The following VAV3 variants were observed in gnomAD, a reference collection of about 807,000 sequenced individuals.
VAV3 encodes the protein guanine nucleotide exchange factor VAV3.
In VAV3, 94 loss-of-function variants were observed where a neutral mutation model predicts 131.2. That is an observed-to-expected ratio of 0.72 (90% CI 0.61 to 0.85). VAV3 has a LOEUF of 0.85. Among genes scored for constraint, VAV3 ranks in the 40% least tolerant of loss-of-function variants. VAV3 has a pLI of 0.00. For missense variants in VAV3, 939 were observed against 1,002.7 expected (o/e 0.94, Z 0.86); for synonymous variants, 349 against 342.0 (o/e 1.02, Z -0.22).
At chr1:107,824,973 C>A (rs1478560277) in intron 2 of VAV3, among the ~76,000 whole-genome samples, 2 of 152,090 alleles carry the variant, frequency 1.3e-5, no homozygotes, top group Admixed American at 6.6e-5. Context: ...ATGAGGTGAT[C>A]CCATATGTCT....
At chr1:107,617,749 T>C in intron 20 of VAV3, 117 bp from the exon 21 acceptor site, 2 of 792,244 alleles carry the variant, frequency 2.5e-6, no homozygotes, top group Admixed American at 5.2e-5. Flanking sequence ...ATGTGTTATA[T>C]CCAGTCCTGA....
Position 107,706,512 on chromosome 1 carries a change from C to T in VAV3, c.1503-1451G>A, listed in dbSNP as rs747833403. On this transcript the variant is annotated intron_variant, in intron 15 of 26. Coordinates refer to ENST00000370056, the MANE Select transcript of VAV3 (RefSeq NM_006113.5). ...CTTTTTCGGAAAATGTTCCACTGCA[C>T]GCTGAGAATTATGGACATTTCCATG... 1.9e-4 allele frequency among the ~76,000 whole-genome samples: 29 copies of T among 152,116 alleles called. 1 individual carries two copies. The highest frequency in any genetic ancestry group is 1.2e-3 in the Admixed American group (19 of 15,272).
At chr1:107,941,075 C>A (rs1571169095) in intron 1 of VAV3, among the ~76,000 whole-genome samples, 1 of 151,942 alleles carries the variant, frequency 6.6e-6, no homozygotes, top group South Asian at 2.1e-4. Flanking sequence ...AGGAAAAAAT[C>A]TGACTTTGCA....
intron 15 of VAV3, among the ~76,000 whole-genome samples, chr1:107,748,263 C>A (rs1419490039): frequency 2.0e-5 from 3 of 152,108 alleles, no homozygotes. Flanking sequence ...TCAGGGTATC[C>A]TATATATTTC....
intron 15 of VAV3, among the ~76,000 whole-genome samples, chr1:107,726,102 T>C (rs779375844): frequency 3.9e-5 from 6 of 152,142 alleles, no homozygotes; most frequent in Admixed American, 2.0e-4. Context: ...TAAATAATAA[T>C]GTGTGACAGC....
intron 1 of VAV3, among the ~76,000 whole-genome samples, chr1:107,921,571 C>T (rs1672899861): frequency 6.6e-6 from 1 of 152,200 alleles, no homozygotes; most frequent in Non-Finnish European, 1.5e-5. Context: ...TTATTCTACT[C>T]AAACATGAAA....
chr1:107,611,581 C>T (rs1366272113), intron 21 of VAV3, among the ~76,000 whole-genome samples: 1 of 133,662 alleles, frequency 7.5e-6, no homozygotes, highest in Non-Finnish European at 1.6e-5. Flanking sequence ...TTAAACCAAG[C>T]TTTCCATAGA....
chr1:107,735,129 G>C (rs115467557), intron 15 of VAV3, among the ~76,000 whole-genome samples: 2,561 of 152,250 alleles, frequency 0.017, 32 homozygotes, highest in Non-Finnish European at 0.025. Context: ...AAAAACTGAA[G>C]GCAGAAATAA....
intron 19 of VAV3, among the ~76,000 whole-genome samples, chr1:107,682,980 GCAGA>G (rs1440008632): frequency 1.3e-5 from 2 of 152,158 alleles, no homozygotes; most frequent in East Asian, 3.9e-4. Flanking sequence ...AACGTTTTCT[GCAGA>G]CAAATAATTG....
intron 2 of VAV3, among the ~76,000 whole-genome samples, chr1:107,823,102 CG>C (rs1667871431): frequency 5.3e-5 from 8 of 152,146 alleles, no homozygotes; most frequent in Middle Eastern, 3.4e-3. Context: ...ACTATCCAAT[CG>C]ATGAGAAAGC....
intron 25 of VAV3, among the ~76,000 whole-genome samples, chr1:107,589,981 T>C (rs577131604): frequency 6.6e-6 from 1 of 152,184 alleles, no homozygotes; most frequent in East Asian, 1.9e-4. Context: ...CAAGTTTCTG[T>C]TTCTACCCAA....
intron 2 of VAV3, among the ~76,000 whole-genome samples, chr1:107,813,981 T>TGC (rs1667447882): frequency 1.3e-5 from 2 of 149,822 alleles, no homozygotes; most frequent in East Asian, 4.0e-4. Context: ...TGTGTGTGTG[T>TGC]GTGTGTGTGT....
chr1:107,727,377 C>T (rs1404137988), intron 15 of VAV3, among the ~76,000 whole-genome samples: 5 of 152,130 alleles, frequency 3.3e-5, no homozygotes, highest in Admixed American at 6.6e-5. Flanking sequence ...ATCTTGAAGC[C>T]TTCATTACTT....
At chr1:107,574,980 TGTGTGTGTGTGTGCGTGC>T (rs1349892206) in intron 25 of VAV3, among the ~76,000 whole-genome samples, 1 of 28,662 alleles carries the variant, frequency 3.5e-5, no homozygotes, top group South Asian at 1.5e-3. Context: ...TGTGTGTGTG[TGTGTGTGTGTGTGCGTGC>T]GTGCGCGCGC....
intron 2 of VAV3, among the ~76,000 whole-genome samples, chr1:107,786,790 G>C (rs1223562363): frequency 6.6e-6 from 1 of 152,168 alleles, no homozygotes; most frequent in African/African-American, 2.4e-5. Flanking sequence ...TGTGTAACTA[G>C]GGTGTGTTTG....
At chr1:107,871,882 A>G (rs1670269535) in intron 2 of VAV3, among the ~76,000 whole-genome samples, 1 of 152,182 alleles carries the variant, frequency 6.6e-6, no homozygotes, top group Non-Finnish European at 1.5e-5. Flanking sequence ...GCATGTGTAC[A>G]ATCAGTGAAT....
chr1:107,951,411 T>C (rs938017868), intron 1 of VAV3, among the ~76,000 whole-genome samples: 1 of 152,218 alleles, frequency 6.6e-6, no homozygotes, highest in Non-Finnish European at 1.5e-5. Flanking sequence ...GATTTATCTC[T>C]ATGCCTTTGT....
chr1:107,681,692 T>C (rs566431740), intron 19 of VAV3, among the ~76,000 whole-genome samples: 3 of 148,898 alleles, frequency 2.0e-5, no homozygotes, highest in African/African-American at 5.0e-5. Context: ...TCTCGCTTTG[T>C]CACCAGGCTG....
At chr1:107,964,065 G>A (rs1288884714) in intron 1 of VAV3, among the ~76,000 whole-genome samples, 1 of 152,300 alleles carries the variant, frequency 6.6e-6, no homozygotes, top group Non-Finnish European at 1.5e-5. Flanking sequence ...CATGGCTTAG[G>A]AAGAGCTGTA....
Sources: allele counts gnomAD v4.1 joint callset (sites outside exome capture counted in the v4.1 genomes callset), GRCh38; gene constraint gnomAD v4.1.1; transcripts MANE v1.5; gene names NCBI Gene and HGNC (gene_info 2026-07-23, HGNC 2026-07-21).